Variants in KDM4B observed in about 807,000 individuals in gnomAD.
KDM4B encodes the protein lysine-specific demethylase 4B.
Under a neutral mutation model 125.2 loss-of-function variants are expected in KDM4B, and 32 were observed. The observed-to-expected ratio is 0.26, with a 90% CI of 0.19 to 0.34. The LOEUF (loss-of-function observed/expected upper bound fraction) is 0.34. Among genes scored for constraint, KDM4B ranks in the 10% least tolerant of loss-of-function variants. The pLI, the probability that KDM4B is intolerant of heterozygous loss-of-function variation, is 1.00. For synonymous variants in KDM4B, 721 were observed against 677.9 expected (o/e 1.06, Z -0.99); for missense variants, 1,190 against 1,577.7 (o/e 0.75, Z 4.16).
chr19:5,042,751 C>T (rs1391085940), intron 5 of KDM4B, among the ~76,000 whole-genome samples: 15 of 151,280 alleles, frequency 9.9e-5, no homozygotes, highest in Admixed American at 4.0e-4. Flanking sequence ...GACAGCACCG[C>T]GGGGATGGCG....
At chr19:4,980,240 C>T (rs1229418942) in intron 1 of KDM4B, among the ~76,000 whole-genome samples, 1 of 152,164 alleles carries the variant, frequency 6.6e-6, no homozygotes, top group Non-Finnish European at 1.5e-5. Context: ...TATCCATCCC[C>T]TCCCCCATCT....
chr19:4,998,482 A>C (rs188824735), intron 1 of KDM4B, among the ~76,000 whole-genome samples: 12 of 152,234 alleles, frequency 7.9e-5, no homozygotes, highest in African/African-American at 2.6e-4. Flanking sequence ...CTTTCCTCTC[A>C]TTCTCTTTCC....
intron 6 of KDM4B, among the ~76,000 whole-genome samples, chr19:5,068,337 C>T (rs1337207512): frequency 1.3e-5 from 2 of 152,204 alleles, no homozygotes; most frequent in Non-Finnish European, 2.9e-5. Flanking sequence ...CCCACCAGTG[C>T]CGTCGCAACC....
At chr19:5,061,957 G>A (rs1329058174) in intron 6 of KDM4B, among the ~76,000 whole-genome samples, 1 of 152,232 alleles carries the variant, frequency 6.6e-6, no homozygotes, top group African/African-American at 2.4e-5. Context: ...TGCAGCCCAG[G>A]CTGGGCTCCA....
chr19:5,107,387 A>G (rs1302879748), intron 9 of KDM4B, among the ~76,000 whole-genome samples: 1 of 152,348 alleles, frequency 6.6e-6, no homozygotes, highest in East Asian at 1.9e-4. Flanking sequence ...CAAGTTGGGC[A>G]GCAGGAATTG....
chr19:4,973,353 T>C (rs1456374299), intron 1 of KDM4B, among the ~76,000 whole-genome samples: 1 of 152,026 alleles, frequency 6.6e-6, no homozygotes, highest in Non-Finnish European at 1.5e-5. Context: ...CACACCCTGC[T>C]AACTTTTGTA....
At chr19:5,018,863 G>A (rs969672930) in intron 2 of KDM4B, among the ~76,000 whole-genome samples, 1 of 152,238 alleles carries the variant, frequency 6.6e-6, no homozygotes, top group Non-Finnish European at 1.5e-5. Flanking sequence ...CATCCTCAGA[G>A]TTCATCCACT....
rs1360896997 is a variant in KDM4B, at chr19:5,047,344, G to C, written c.433-132G>C. On this transcript the variant is annotated intron_variant, in intron 5 of 22. Transcript: ENST00000159111. ...GCAGGGTATGACCGGCCCCTGGGGG[G>C]GCCGCAGATACTGGGGTGGAGGAGG... 1.8e-5 allele frequency: 14 copies of C among 767,020 alleles called. No homozygotes were observed. In the East Asian group the frequency reaches 2.9e-4, roughly 16 times the overall value. 47.5% of individuals were successfully genotyped at this position (767,020 alleles called of 1,614,324 possible). A position where few individuals can be genotyped will look rare whatever the true frequency, so the allele number is the denominator to read the frequency against.
In KDM4B at chr19:5,110,737, C is replaced by T. The variant is rs772979590; in HGVS notation, c.1034C>T (p.Thr345Met). ...AAGGACCTCACGGTGCTGGACCACACGCGGCCCACGGCGCTCACCAGCCCC... is the reference window on the plus strand; with the variant it reads ...AAGGACCTCACGGTGCTGGACCACATGCGGCCCACGGCGCTCACCAGCCCC... ...QGKDLTVLDH[T>M]RPTALTSPEL... The change falls in exon 10 of 23, where the codon ACG (threonine) becomes ATG (methionine). Residue 345 changes from threonine to methionine, a missense_variant. Thr to Met is a moderately conservative substitution (Grantham distance 81). Transcript: ENST00000159111. 33 of 1,612,096 alleles carry T rather than the reference C, an allele frequency of 2.0e-5. No homozygotes were observed. Among genetic ancestry groups the T allele is most frequent in the Non-Finnish European group, 2.2e-5 (26 of 1,179,554 alleles).
chr19:5,096,758 C>T (rs1008044857), intron 9 of KDM4B, among the ~76,000 whole-genome samples: 2 of 147,656 alleles, frequency 1.4e-5, no homozygotes, highest in Admixed American at 6.8e-5. Context: ...CCGGCGGTGT[C>T]GGTGGCGCGT....
chr19:5,131,392 C>T lies in KDM4B; in HGVS notation c.1632C>T (p.His544=), dbSNP rs777399127. 31 of 1,611,594 alleles carry T rather than the reference C, an allele frequency of 1.9e-5. No homozygotes were observed. Among genetic ancestry groups the T allele is most frequent in the East Asian group, 1.6e-4 (7 of 44,768 alleles). The part of the protein sequence containing the change: ...RPGKAAFNQE[H]VSCQQAFEHF... Reference sequence around the variant, plus strand: ...GCAAGGCAGCCTTCAACCAGGAGCACGTGTCCTGCCAGCAGGCCTTTGAGC... The same window carrying T: ...GCAAGGCAGCCTTCAACCAGGAGCATGTGTCCTGCCAGCAGGCCTTTGAGC... The change falls in exon 12 of 23, where the codon CAC becomes CAT. Residue 544 remains histidine (H), a synonymous_variant. Transcript: ENST00000159111.
At chr19:5,051,767 C>T (rs772921228) in intron 6 of KDM4B, among the ~76,000 whole-genome samples, 1 of 152,248 alleles carries the variant, frequency 6.6e-6, no homozygotes. Flanking sequence ...CGAAGGAGCG[C>T]TTGCCCGGAC....
At chr19:5,001,890 T>G (rs900988168) in intron 1 of KDM4B, among the ~76,000 whole-genome samples, 1 of 152,232 alleles carries the variant, frequency 6.6e-6, no homozygotes, top group Admixed American at 6.5e-5. Flanking sequence ...CTTCATACTT[T>G]TCACTTGCTT....
intron 3 of KDM4B, among the ~76,000 whole-genome samples, chr19:5,037,432 C>T (rs1331931369): frequency 6.6e-6 from 1 of 152,212 alleles, no homozygotes; most frequent in Non-Finnish European, 1.5e-5. Context: ...CAGCTGCTCC[C>T]CTGAAATCTA....
At chr19:5,067,936 C>T (rs2037825560) in intron 6 of KDM4B, among the ~76,000 whole-genome samples, 1 of 152,122 alleles carries the variant, frequency 6.6e-6, no homozygotes, top group Non-Finnish European at 1.5e-5. Flanking sequence ...AACCGAGCTC[C>T]CAGGGAGTGA....
At position 5,152,332 on chromosome 19, in the gene KDM4B, A is replaced by C. The variant is rs148898223; in HGVS notation, c.*821A>C. 62 of 152,330 alleles carry C rather than the reference A, an allele frequency of 4.1e-4. No homozygotes were observed. The highest frequency in any genetic ancestry group is 1.3e-3 in the African/African-American group (55 of 41,556). The allele number at this position is 152,330 out of a possible 1,614,324, so 9.4% of individuals were successfully genotyped here. A position where few individuals can be genotyped will look rare whatever the true frequency, so the allele number is the denominator to read the frequency against. On this transcript the variant is annotated 3_prime_UTR_variant, in exon 23 of 23. Transcript: ENST00000159111. ...CCTCCGTCTGCGCCCACCTTTGCAG[A>C]ATAAACTCTCTCCTGGGGTTTGTCT... is the stretch of plus-strand genomic sequence containing the variant.
chr19:5,030,690 T>C (rs1004324776), intron 2 of KDM4B, among the ~76,000 whole-genome samples: 25 of 152,242 alleles, frequency 1.6e-4, no homozygotes, highest in African/African-American at 4.1e-4. Flanking sequence ...TGGCATAGCA[T>C]GCAGCCCAGC....
intron 9 of KDM4B, among the ~76,000 whole-genome samples, chr19:5,089,071 G>A (rs1373221935): frequency 2.0e-5 from 3 of 152,246 alleles, no homozygotes; most frequent in South Asian, 4.2e-4. Flanking sequence ...GGATGGGGAC[G>A]GGTTTTCTTT....
At chr19:5,049,242 A>AC (rs1332255946) in intron 6 of KDM4B, among the ~76,000 whole-genome samples, 3 of 152,088 alleles carry the variant, frequency 2.0e-5, no homozygotes, top group Admixed American at 2.0e-4. Flanking sequence ...TTCATCCAGG[A>AC]CGCAGCCTCT....
Sources: gnomAD v4.1 joint callset for allele counts (sites outside exome capture counted in the v4.1 genomes callset) on GRCh38, gnomAD v4.1.1 for gene constraint, MANE v1.5 for transcripts, NCBI Gene and HGNC (gene_info 2026-07-23, HGNC 2026-07-21) for gene names.